The following NRG1 variants were observed in gnomAD, a reference collection of about 807,000 sequenced individuals.
NRG1 encodes pro-neuregulin-1, membrane-bound isoform.
Under a neutral mutation model 63.8 loss-of-function variants are expected in NRG1, and 18 were observed. That is an observed-to-expected ratio of 0.28 (90% CI 0.19 to 0.42). The LOEUF (loss-of-function observed/expected upper bound fraction) is 0.42, where lower values mean the gene tolerates loss of function less well. Among genes scored for constraint, NRG1 ranks in the 10% least tolerant of loss-of-function variants. The pLI, the probability that NRG1 is intolerant of heterozygous loss-of-function variation, is 1.00. For synonymous variants in NRG1, 302 were observed against 301.3 expected (o/e 1.00, Z -0.02); for missense variants, 762 against 814.7 (o/e 0.94, Z 0.79).
chr8:32,175,656 A>G (rs4733113), intron 1 of NRG1, among the ~76,000 whole-genome samples: 125,024 of 152,030 alleles, frequency 0.82, 52,014 homozygotes, highest in African/African-American at 0.93. Context: ...AAATCAATGT[A>G]CAAAAATCAC....
chr8:32,626,597 G>A (rs982825323), intron 5 of NRG1, among the ~76,000 whole-genome samples: 3 of 151,044 alleles, frequency 2.0e-5, no homozygotes, highest in Non-Finnish European at 3.0e-5. Context: ...GGAGAATGGC[G>A]TGAACCTGGG....
rs1803618712 is a variant in NRG1 at position 31,640,330 on chromosome 8, G to GAGCCGCC, written c.37+906_37+912dup. 6.8e-6 allele frequency: 8 copies of GAGCCGCC among 1,178,774 alleles called. No individual in the cohort carries two copies. The highest frequency in any genetic ancestry group is 8.4e-6 in the Non-Finnish European group (8 of 955,040). The allele number at this position is 1,178,774 out of a possible 1,614,324, so 73.0% of individuals were successfully genotyped here. ...GGCAGGGGCGTGGGGCGGCGATCGC[G>GAGCCGCC]AGCCGCCAGCCGCGGGCCCACGGGC... On this transcript the variant is annotated intron_variant, in intron 1 of 10. Transcript: ENST00000519301. The surrounding 1 kb of genome is among the most constrained non-coding windows in gnomAD (Gnocchi z 6.3).
At chr8:32,065,068 A>T (rs1043533492) in intron 1 of NRG1, among the ~76,000 whole-genome samples, 14 of 151,986 alleles carry the variant, frequency 9.2e-5, no homozygotes, top group African/African-American at 2.9e-4. Context: ...TCTTATATTT[A>T]AAAAATATGA....
intron 9 of NRG1, among the ~76,000 whole-genome samples, chr8:32,757,156 T>C (rs1829833335): frequency 6.6e-6 from 1 of 152,222 alleles, no homozygotes; most frequent in Non-Finnish European, 1.5e-5. Flanking sequence ...AATATTTTTT[T>C]CATACTGTAC....
At position 32,266,343 on chromosome 8, in the gene NRG1, A is replaced by G. The variant is rs151179808; in HGVS notation, c.38-329485A>G. On this transcript the variant is annotated intron_variant, in intron 1 of 10. Transcript: ENST00000519301. The stretch of plus-strand genomic sequence containing the variant: ...TACTTCCTCATCCCTGAGGCAGCAC[A>G]TACACTTTTTCAATAATCCTTTATT... 1.2e-3 allele frequency among the ~76,000 whole-genome samples: 186 copies of G among 152,316 alleles called. 2 individuals are homozygous for G. Among genetic ancestry groups the G allele is most frequent in the African/African-American group, 4.2e-3 (174 of 41,586 alleles).
At chr8:32,669,159 G>T (rs2466089) in intron 5 of NRG1, among the ~76,000 whole-genome samples, 2 of 152,020 alleles carry the variant, frequency 1.3e-5, no homozygotes, top group African/African-American at 4.8e-5. Context: ...TCATTATCCA[G>T]TTCTCATTCA....
chr8:32,389,012 C>G (rs146987380), intron 1 of NRG1, among the ~76,000 whole-genome samples: 3 of 152,128 alleles, frequency 2.0e-5, no homozygotes, highest in African/African-American at 7.2e-5. Flanking sequence ...CCTTCTTGAA[C>G]GATGTTCCTT....
At chr8:31,989,268 A>AAAAAAT (rs1810639507) in intron 1 of NRG1, among the ~76,000 whole-genome samples, 1 of 147,646 alleles carries the variant, frequency 6.8e-6, no homozygotes, top group Non-Finnish European at 1.5e-5. Context: ...AAAAAAAAAA[A>AAAAAAT]AAAAAGAACA....
intron 1 of NRG1, among the ~76,000 whole-genome samples, chr8:31,972,932 A>T (rs1001063111): frequency 6.6e-6 from 1 of 152,228 alleles, no homozygotes; most frequent in African/African-American, 2.4e-5. Context: ...TTCTCTTTAT[A>T]TGTGTACATA....
intron 1 of NRG1, among the ~76,000 whole-genome samples, chr8:32,151,884 G>A (rs1357153712): frequency 1.3e-5 from 2 of 152,134 alleles, no homozygotes; most frequent in Non-Finnish European, 2.9e-5. Flanking sequence ...TATCCATCAA[G>A]CCCTTTGCAA....
intron 1 of NRG1, among the ~76,000 whole-genome samples, chr8:32,474,270 T>C (rs1371007995): frequency 6.6e-6 from 1 of 152,204 alleles, no homozygotes; most frequent in Non-Finnish European, 1.5e-5. Flanking sequence ...CCTCAAAACA[T>C]TCTGGGAACT....
chr8:32,449,779 T>G (rs914312824), intron 1 of NRG1, among the ~76,000 whole-genome samples: 1 of 152,174 alleles, frequency 6.6e-6, no homozygotes, highest in Non-Finnish European at 1.5e-5. Flanking sequence ...TTTTAAAAAT[T>G]CATCTATTAA....
intron 1 of NRG1, among the ~76,000 whole-genome samples, chr8:32,519,781 A>G (rs1247815686): frequency 6.6e-6 from 1 of 152,168 alleles, no homozygotes; most frequent in African/African-American, 2.4e-5. Context: ...TGTGATAAAC[A>G]CGTTTGATTT....
At chr8:31,982,554 G>A (rs1416529799) in intron 1 of NRG1, among the ~76,000 whole-genome samples, 1 of 151,758 alleles carries the variant, frequency 6.6e-6, no homozygotes, top group African/African-American at 2.4e-5. Context: ...GAATTAAGAG[G>A]GATTTGGAGC....
intron 5 of NRG1, among the ~76,000 whole-genome samples, chr8:32,678,911 C>CTT (rs5890677): frequency 0.42 from 63,980 of 151,502 alleles, 14,521 homozygotes; most frequent in East Asian, 0.56. Context: ...TTATTGGTGA[C>CTT]GAGCTGGGTA....
chr8:32,482,174 T>C (rs1248935018), intron 1 of NRG1, among the ~76,000 whole-genome samples: 1 of 151,976 alleles, frequency 6.6e-6, no homozygotes, highest in Admixed American at 6.6e-5. Flanking sequence ...GTGATATGCA[T>C]AATCGTTGTT....
At chr8:32,470,864 G>A (rs1210558854) in intron 1 of NRG1, among the ~76,000 whole-genome samples, 1 of 151,808 alleles carries the variant, frequency 6.6e-6, no homozygotes, top group Non-Finnish European at 1.5e-5. Context: ...GTGGCATGAT[G>A]ATGGCTCACT....
chr8:32,708,838 A>G (rs1394767138), intron 5 of NRG1, among the ~76,000 whole-genome samples: 1 of 152,186 alleles, frequency 6.6e-6, no homozygotes, highest in Non-Finnish European at 1.5e-5. Flanking sequence ...ACACATGGGT[A>G]CATATAACAG....
intron 1 of NRG1, among the ~76,000 whole-genome samples, chr8:32,386,913 G>A (rs1416314075): frequency 6.6e-6 from 1 of 152,088 alleles, no homozygotes; most frequent in Non-Finnish European, 1.5e-5. Flanking sequence ...TCAAGACATA[G>A]CATATGCCTT....
Sources: allele counts gnomAD v4.1 joint callset (sites outside exome capture counted in the v4.1 genomes callset), GRCh38; gene constraint gnomAD v4.1.1; non-coding constraint Gnocchi (gnomAD v3.1); transcripts MANE v1.5; gene names NCBI Gene and HGNC (gene_info 2026-07-23, HGNC 2026-07-21).